The following NREP variants were observed in gnomAD, a reference collection of about 807,000 sequenced individuals.
The protein encoded by NREP is neuronal regeneration-related protein.
In NREP, 5 loss-of-function variants were observed where a neutral mutation model predicts 8.6. That is an observed-to-expected ratio of 0.58 (90% CI 0.30 to 1.22). The LOEUF (loss-of-function observed/expected upper bound fraction) is 1.22. NREP is among the 50% of genes most tolerant of loss of function. The pLI is 0.07. For missense variants in NREP, 86 were observed against 82.5 expected (o/e 1.04, Z -0.17); for synonymous variants, 27 against 28.0 (o/e 0.96, Z 0.11).
At chr5:111,897,982 A>T (rs916561823) in intron 2 of NREP, among the ~76,000 whole-genome samples, 18 of 152,152 alleles carry the variant, frequency 1.2e-4, no homozygotes, top group Non-Finnish European at 2.4e-4. Context: ...AAGTCCATAA[A>T]TTTTTCTCAA....
At chr5:111,788,439 T>C (rs757227310) in intron 2 of NREP, among the ~76,000 whole-genome samples, 5 of 152,192 alleles carry the variant, frequency 3.3e-5, no homozygotes, top group Non-Finnish European at 7.3e-5. Context: ...GTGTCTCTGC[T>C]GACACTGTGT....
At chr5:111,842,893 T>C (rs1346156425) in intron 2 of NREP, among the ~76,000 whole-genome samples, 1 of 152,178 alleles carries the variant, frequency 6.6e-6, no homozygotes, top group Non-Finnish European at 1.5e-5. Flanking sequence ...GATATATTAT[T>C]CCACTCTTCC....
intron 2 of NREP, among the ~76,000 whole-genome samples, chr5:111,908,277 G>A (rs1284242013): frequency 1.3e-5 from 2 of 151,932 alleles, no homozygotes; most frequent in Non-Finnish European, 2.9e-5. Flanking sequence ...TAATTTTTAA[G>A]AAATAATTTT....
intron 2 of NREP, among the ~76,000 whole-genome samples, chr5:111,788,050 C>T (rs1751652150): frequency 6.6e-6 from 1 of 152,124 alleles, no homozygotes; most frequent in Non-Finnish European, 1.5e-5. Flanking sequence ...CCATGATTGC[C>T]ACTACCCTCC....
At chr5:111,819,396 A>G (rs1277687716) in intron 2 of NREP, among the ~76,000 whole-genome samples, 2 of 152,192 alleles carry the variant, frequency 1.3e-5, no homozygotes, top group African/African-American at 4.8e-5. Flanking sequence ...TGTCAGGAAT[A>G]AGAACCCCTT....
intron 2 of NREP, among the ~76,000 whole-genome samples, chr5:111,973,717 G>C (rs893743830): frequency 6.6e-6 from 1 of 152,008 alleles, no homozygotes; most frequent in Non-Finnish European, 1.5e-5. Context: ...TGTTATTTTT[G>C]TGATTTAGTT....
intron 2 of NREP, among the ~76,000 whole-genome samples, chr5:111,752,191 A>G (rs1387961394): frequency 2.0e-5 from 3 of 152,210 alleles, no homozygotes; most frequent in Non-Finnish European, 2.9e-5. Context: ...AAAGAACTGT[A>G]TCAGGTTAAA....
intron 2 of NREP, among the ~76,000 whole-genome samples, chr5:111,823,182 C>T (rs1205648335): frequency 6.6e-6 from 1 of 152,130 alleles, no homozygotes; most frequent in Admixed American, 6.5e-5. Flanking sequence ...ACCCAGCTCT[C>T]ACAAGAACTA....
At chr5:111,741,046 C>A (rs1749607168) in intron 2 of NREP, among the ~76,000 whole-genome samples, 1 of 152,150 alleles carries the variant, frequency 6.6e-6, no homozygotes, top group African/African-American at 2.4e-5. Flanking sequence ...AGATATGTTG[C>A]ATGGTTTGGT....
chr5:111,893,180 G>A (rs1433919458), intron 2 of NREP, among the ~76,000 whole-genome samples: 1 of 152,076 alleles, frequency 6.6e-6, no homozygotes, highest in African/African-American at 2.4e-5. Flanking sequence ...CCCAGCAGCT[G>A]CAAATAATTT....
intron 2 of NREP, among the ~76,000 whole-genome samples, chr5:111,804,324 A>G (rs1219733981): frequency 6.6e-6 from 1 of 152,218 alleles, no homozygotes; most frequent in Non-Finnish European, 1.5e-5. Flanking sequence ...TGAATAGCCA[A>G]TTAGAGAAAG....
intron 2 of NREP, among the ~76,000 whole-genome samples, chr5:111,890,355 G>A (rs573369974): frequency 1.3e-5 from 2 of 152,252 alleles, no homozygotes; most frequent in African/African-American, 2.4e-5. Flanking sequence ...CTCAGAGGTT[G>A]TAGTTGAATG....
rs1041196662 is a variant in NREP, at chr5:111,832,098, C to T, written c.136-96591G>A. 2.6e-5 allele frequency among the ~76,000 whole-genome samples: 4 copies of T among 152,024 alleles called. No individual in the cohort carries two copies. The South Asian group carries it at 6.2e-4, about 24-fold the overall frequency. ...TTATAACAAAGTGAAGTTACTCTTA[C>T]GGGAATGGAACATAAAAACTTTGTG... On this transcript the variant is annotated intron_variant, in intron 2 of 3. Coordinates refer to the NREP transcript ENST00000395634.
chr5:111,962,841 C>A (rs1275813575), intron 2 of NREP, among the ~76,000 whole-genome samples: 1 of 152,156 alleles, frequency 6.6e-6, no homozygotes, highest in African/African-American at 2.4e-5. Context: ...GATGGCCAGA[C>A]TTAAGGGAAG....
chr5:111,741,844 C>G (rs922471916), intron 2 of NREP, among the ~76,000 whole-genome samples: 3 of 151,994 alleles, frequency 2.0e-5, no homozygotes, highest in African/African-American at 7.2e-5. Context: ...CACACACACA[C>G]ACACACACAC....
intron 2 of NREP, among the ~76,000 whole-genome samples, chr5:111,868,405 T>C (rs1753715470): frequency 6.6e-6 from 1 of 152,148 alleles, no homozygotes; most frequent in African/African-American, 2.4e-5. Context: ...TTTTTGTTCT[T>C]TGTTTTTGTC....
intron 2 of NREP, among the ~76,000 whole-genome samples, chr5:111,750,328 G>T (rs557372299): frequency 9.3e-4 from 141 of 152,244 alleles, no homozygotes; most frequent in African/African-American, 3.0e-3. Context: ...GAAATAAAAA[G>T]CTTAATAAAA....
chr5:111,933,609 A>G lies in NREP; in HGVS notation c.135+41665T>C, dbSNP rs557985099. On this transcript the variant is annotated intron_variant, in intron 2 of 3. Coordinates refer to the NREP transcript ENST00000395634. ...ACTACATTTCTTCTCACTCAGACCC[A>G]TCACTCCCCAAACTTTCAAATTCCA... 2.6e-5 allele frequency among the ~76,000 whole-genome samples: 4 copies of G among 152,130 alleles called. No homozygotes were observed. In the South Asian group the frequency reaches 6.2e-4, roughly 24 times the overall value.
chr5:111,735,126 T>G (rs1748983093), intron 3 of NREP: 1 of 320,622 alleles, frequency 3.1e-6, no homozygotes, highest in Admixed American at 4.5e-5. Context: ...GTTTGATCAT[T>G]GTATTTGAGT....
Sources: allele counts gnomAD v4.1 joint callset (sites outside exome capture counted in the v4.1 genomes callset), GRCh38; gene constraint gnomAD v4.1.1; transcripts MANE v1.5; gene names NCBI Gene and HGNC (gene_info 2026-07-23, HGNC 2026-07-21).